The following S100Z variants were observed in gnomAD, a reference collection of about 807,000 sequenced individuals.
The protein encoded by S100Z is protein S100-Z.
Under a neutral mutation model 8.5 loss-of-function variants are expected in S100Z, and 11 were observed. The observed-to-expected ratio is 1.30, with a 90% CI of 0.82 to 2.15. The LOEUF (loss-of-function observed/expected upper bound fraction) is 2.15, where lower values mean the gene tolerates loss of function less well. S100Z is among the 30% of genes most tolerant of loss of function. S100Z has a pLI of 0.00. For synonymous variants in S100Z, 34 were observed against 43.8 expected (o/e 0.78, Z 0.89); for missense variants, 126 against 117.9 (o/e 1.07, Z -0.32).
intron 2 of S100Z, among the ~76,000 whole-genome samples, chr5:76,872,938 A>C (rs1357221185): frequency 6.6e-6 from 1 of 152,234 alleles, no homozygotes; most frequent in Non-Finnish European, 1.5e-5. Flanking sequence ...GCACCACTGC[A>C]CTCCAGCCTG....
At chr5:76,864,275 C>G (rs1267195691) in intron 1 of S100Z, among the ~76,000 whole-genome samples, 1 of 151,274 alleles carries the variant, frequency 6.6e-6, no homozygotes, top group East Asian at 1.9e-4. Flanking sequence ...TGGGGCGATA[C>G]TGGTGTAAAC....
At chr5:76,913,702 T>G (rs1244246917) in intron 4 of S100Z, among the ~76,000 whole-genome samples, 1 of 152,210 alleles carries the variant, frequency 6.6e-6, no homozygotes, top group Non-Finnish European at 1.5e-5. Flanking sequence ...CAATCCCAAA[T>G]AGACTCTTCG....
intron 4 of S100Z, among the ~76,000 whole-genome samples, chr5:76,897,485 A>C (rs1279626726): frequency 2.0e-5 from 3 of 147,418 alleles, no homozygotes; most frequent in African/African-American, 8.0e-5. Flanking sequence ...AAAAATAAAT[A>C]AATTTTAGGA....
downstream of S100Z, among the ~76,000 whole-genome samples, chr5:76,924,023 A>T (rs1014396469): frequency 4.6e-5 from 7 of 152,104 alleles, no homozygotes; most frequent in East Asian, 3.9e-4. Flanking sequence ...AGAGAAACAC[A>T]ATTGCCTTTG....
chr5:76,889,191 TAC>T, intron 4 of S100Z, among the ~76,000 whole-genome samples: 1 of 152,258 alleles, frequency 6.6e-6, no homozygotes, highest in East Asian at 1.9e-4. Context: ...TCTGTCTCTG[TAC>T]AGGCGAGCTT....
At chr5:76,882,517 A>T (rs981719611) in intron 4 of S100Z, among the ~76,000 whole-genome samples, 1 of 152,194 alleles carries the variant, frequency 6.6e-6, no homozygotes, top group Non-Finnish European at 1.5e-5. Context: ...GTGAGTTTAT[A>T]TAATGGTTTT....
At chr5:76,872,018 C>T (rs1743026712) in intron 2 of S100Z, among the ~76,000 whole-genome samples, 1 of 152,194 alleles carries the variant, frequency 6.6e-6, no homozygotes, top group South Asian at 2.1e-4. Flanking sequence ...AGGAGGATCA[C>T]TTGAGCCCAG....
chr5:76,908,552 A>G (rs2150677615), intron 4 of S100Z, among the ~76,000 whole-genome samples: 1 of 152,280 alleles, frequency 6.6e-6, no homozygotes, highest in African/African-American at 2.4e-5. Context: ...ACCTGGGCTC[A>G]CCAATGAGAA....
chr5:76,903,009 A>G (rs1041082362), intron 4 of S100Z, among the ~76,000 whole-genome samples: 4 of 152,178 alleles, frequency 2.6e-5, no homozygotes. Flanking sequence ...AACATGGCGA[A>G]ACCCCATCTC....
At chr5:76,950,362 G>A in the S100Z span, among the ~76,000 whole-genome samples, 1 of 152,192 alleles carries the variant, frequency 6.6e-6, no homozygotes, top group Non-Finnish European at 1.5e-5. Flanking sequence ...AGTGTCAGAA[G>A]TTCTCTGTGT....
chr5:76,942,159 G>A, the S100Z span, among the ~76,000 whole-genome samples: 1 of 151,642 alleles, frequency 6.6e-6, no homozygotes, highest in African/African-American at 2.4e-5. Context: ...TTGTTGCCTA[G>A]GCTGAAGTGC....
chr5:76,936,658 A>ACAC, the S100Z span, among the ~76,000 whole-genome samples: 44 of 62,020 alleles, frequency 7.1e-4, no homozygotes, highest in African/African-American at 1.7e-3. Context: ...CACACACACA[A>ACAC]CCATGAAGGA....
intron 4 of S100Z, among the ~76,000 whole-genome samples, chr5:76,882,709 T>A (rs1238235200): frequency 6.6e-6 from 1 of 152,086 alleles, no homozygotes; most frequent in African/African-American, 2.4e-5. Flanking sequence ...AGGAAGAAAT[T>A]TGGGCTTGAC....
At chr5:76,863,566 T>C (rs1319296943) in intron 1 of S100Z, among the ~76,000 whole-genome samples, 1 of 152,166 alleles carries the variant, frequency 6.6e-6, no homozygotes, top group Admixed American at 6.5e-5. Context: ...TGAGGCAGAG[T>C]CTCACTCTGT....
chr5:76,865,774 C>T (rs907440590), intron 1 of S100Z, among the ~76,000 whole-genome samples: 19 of 150,918 alleles, frequency 1.3e-4, no homozygotes, highest in Middle Eastern at 3.4e-3. Flanking sequence ...GCACTTTGGG[C>T]GGTTGAGGTG....
intron 3 of S100Z, among the ~76,000 whole-genome samples, chr5:76,876,043 C>T (rs1743180848): frequency 6.6e-6 from 1 of 152,136 alleles, no homozygotes; most frequent in African/African-American, 2.4e-5. Context: ...ATTCATTTCT[C>T]AAAATAGCCA....
At chr5:76,914,630 C>T (rs1744792363) in intron 4 of S100Z, among the ~76,000 whole-genome samples, 1 of 152,098 alleles carries the variant, frequency 6.6e-6, no homozygotes, top group Admixed American at 6.6e-5. Context: ...TCTGCAGCTT[C>T]ACTCCTGAAG....
At chr5:76,858,593 C>T (rs891885308) in intron 1 of S100Z, among the ~76,000 whole-genome samples, 1 of 151,824 alleles carries the variant, frequency 6.6e-6, no homozygotes, top group African/African-American at 2.4e-5. Context: ...CATCCATTGT[C>T]CTGCCTGGAC....
intron 2 of S100Z, among the ~76,000 whole-genome samples, chr5:76,870,771 A>G (rs1219052505): frequency 1.3e-5 from 2 of 152,108 alleles, no homozygotes; most frequent in African/African-American, 4.8e-5. Context: ...TTATAGGAGT[A>G]GCTGAGACCA....
Sources: gnomAD v4.1 joint callset for allele counts (sites outside exome capture counted in the v4.1 genomes callset) on GRCh38, gnomAD v4.1.1 for gene constraint, MANE v1.5 for transcripts, NCBI Gene and HGNC (gene_info 2026-07-23, HGNC 2026-07-21) for gene names.